LRP2: variants seen among roughly 807,000 people sequenced by gnomAD.
LRP2 encodes low-density lipoprotein receptor-related protein 2.
A neutral mutation model predicts 531.0 loss-of-function variants in LRP2; 172 were observed. The ratio of observed to expected loss-of-function variants is 0.32; its 90% CI spans 0.29 to 0.37. LRP2 has a LOEUF of 0.37. Ranked by LOEUF, LRP2 falls within the 10% of genes least tolerant of loss-of-function variation. The pLI is 1.00. For synonymous variants in LRP2, 1,992 were observed against 2,027.6 expected (o/e 0.98, Z 0.47); for missense variants, 5,167 against 5,868.3 (o/e 0.88, Z 3.90).
intron 40 of LRP2, 114 bp downstream of exon 40, chr2:169,205,909 G>A (rs1206820731): frequency 2.2e-6 from 3 of 1,365,756 alleles, no homozygotes; most frequent in Non-Finnish European, 2.1e-6. Flanking sequence ...TTTTGAATCT[G>A]TAGCCATAGT....
At chr2:169,139,706 G>T in intron 72 of LRP2, 96 bp from the exon 73 acceptor site, 1 of 1,033,282 alleles carries the variant, frequency 9.7e-7, no homozygotes, top group Non-Finnish European at 1.5e-6. Flanking sequence ...AGCTTTGACT[G>T]CATAAATTAC....
chr2:169,281,611 C>T (rs1322475521), intron 10 of LRP2, among the ~76,000 whole-genome samples: 2 of 150,310 alleles, frequency 1.3e-5, no homozygotes, highest in African/African-American at 2.5e-5. Context: ...CCCAGCTACT[C>T]GGGAGGCTGA....
At chr2:169,285,052 T>C (rs923808595) in intron 9 of LRP2, among the ~76,000 whole-genome samples, 3 of 151,770 alleles carry the variant, frequency 2.0e-5, no homozygotes, top group Non-Finnish European at 4.4e-5. Flanking sequence ...CTCACGCCTA[T>C]AATCCCAGCA....
intron 1 of LRP2, among the ~76,000 whole-genome samples, chr2:169,347,337 A>G (rs1685721138): frequency 6.6e-6 from 1 of 152,216 alleles, no homozygotes; most frequent in Non-Finnish European, 1.5e-5. Context: ...CATCCAGCAC[A>G]TAGGAAATGT....
Position 169,360,128 on chromosome 2 carries a change from C to CAAAAAA in LRP2, c.79+2187_79+2192dup, listed in dbSNP as rs67818940. Among the ~76,000 whole-genome samples the CAAAAAA allele has an allele frequency of 9.5e-3, 998 of 104,888 alleles. 7 individuals carry two copies. The highest frequency in any genetic ancestry group is 0.087 in the East Asian group (241 of 2,770). 68.8% of individuals were successfully genotyped at this position (104,888 alleles called of 152,430 possible). On this transcript the variant is annotated intron_variant, in intron 1 of 78. Transcript: ENST00000649046. ...TGACAGAGCGAGATTCTGTCTCTCTCAAAAAAAAAAAAAAAAAAAAGAGAG... is the reference window on the plus strand; with the variant it reads ...TGACAGAGCGAGATTCTGTCTCTCTCAAAAAAAAAAAAAAAAAAAAAAAAAAGAGAG...
At chr2:169,242,678 T>C (rs1689851702) in intron 24 of LRP2, among the ~76,000 whole-genome samples, 1 of 152,160 alleles carries the variant, frequency 6.6e-6, no homozygotes, top group South Asian at 2.1e-4. Flanking sequence ...TGGGAAGTCC[T>C]AAGAAAAACT....
intron 1 of LRP2, among the ~76,000 whole-genome samples, chr2:169,361,907 A>G (rs1469058173): frequency 2.0e-5 from 3 of 152,098 alleles, no homozygotes; most frequent in African/African-American, 7.2e-5. Context: ...GGGGCGCTGC[A>G]GGTGGAAAGC....
chr2:169,205,801 G>C (rs542716293), intron 40 of LRP2, among the ~76,000 whole-genome samples, 164 bp from the exon 41 acceptor site: 4 of 152,150 alleles, frequency 2.6e-5, no homozygotes, highest in Middle Eastern at 3.4e-3. Context: ...AGTAAGTCAG[G>C]GTGTTGACTT....
chr2:169,134,340 TACTC>T (rs1197867226), intron 76 of LRP2, among the ~76,000 whole-genome samples: 8 of 152,206 alleles, frequency 5.3e-5, no homozygotes, highest in Non-Finnish European at 1.2e-4. Context: ...CCTTCAGCTG[TACTC>T]ACTCTTTGTT....
At position 169,192,018 on chromosome 2, in the gene LRP2, G is replaced by A. The variant is rs200068217; in HGVS notation, c.8846C>T (p.Ser2949Leu). The A allele has an allele frequency of 3.5e-5, 56 of 1,612,256 alleles. No homozygotes were observed. Among genetic ancestry groups the A allele is most frequent in the African/African-American group, 1.1e-4 (8 of 74,984 alleles). ...ATTTACACAGAGAAACTCGGAATCC[G>A]AGCAGTTTTGATTCTCTGAAACCAA... ...KRHQCQNQNC[S>L]DSEFLCVNDR... The change falls in exon 48 of 79, where the codon TCG becomes TTG. Residue 2949 changes from serine to leucine, a missense_variant. By Grantham distance (145) the Ser-to-Leu change is moderately radical. Around this residue, in one of 6 missense-constraint regions of LRP2, gnomAD observed 1,129 missense variants for 1,362.7 expected, o/e 0.83. Coordinates refer to ENST00000649046, the MANE Select transcript of LRP2 (RefSeq NM_004525.3).
At chr2:169,193,929 G>A (rs1260297371) in intron 46 of LRP2, 37 bp from the exon 47 acceptor site, 1 of 1,613,636 alleles carries the variant, frequency 6.2e-7, no homozygotes, top group Non-Finnish European at 8.5e-7. Context: ...GAAAAAAAGT[G>A]GTTTACAGTC....
Position 169,257,229 on chromosome 2 carries a change from C to A in LRP2, c.2534G>T (p.Trp845Leu). The A allele has an allele frequency of 6.2e-7, 1 of 1,612,686 alleles. No individual in the cohort carries two copies. Among genetic ancestry groups the A allele is most frequent in the Non-Finnish European group, 8.5e-7 (1 of 1,179,040 alleles). Residue 845 changes from tryptophan (W) to leucine (L), a missense_variant, in exon 18 of 79, where the codon TGG becomes TTG. This residue lies in a region of LRP2 where 2,811 missense variants were observed against 3,058.0 expected (regional missense o/e 0.92). Transcript: ENST00000649046. ...PFAGYLFFTDWFRPAKIMRAW... is the reference protein window; with the variant it reads ...PFAGYLFFTDLFRPAKIMRAW... ...TCTCATAATTTTAGCAGGACGGAAC[C>A]AATCAGTGAAGAATAGATACCTAGA...
At chr2:169,198,525 C>T (rs1688080393) in intron 45 of LRP2, among the ~76,000 whole-genome samples, 1 of 152,192 alleles carries the variant, frequency 6.6e-6, no homozygotes, top group South Asian at 2.1e-4. Flanking sequence ...GCTTTCAACA[C>T]TGGGAGAAAT....
At chr2:169,231,569 C>T in intron 31 of LRP2, 145 bp downstream of exon 31, 2 of 968,162 alleles carry the variant, frequency 2.1e-6, no homozygotes, top group South Asian at 1.3e-5. Context: ...GACATCACCC[C>T]ATACAACACA....
At position 169,166,052 on chromosome 2, in the gene LRP2, C is replaced by T. The variant is rs893547456; in HGVS notation, c.11638G>A (p.Asp3880Asn). Residue 3880 changes from aspartate to asparagine, a missense_variant and splice_region_variant, in exon 62 of 79, where the codon GAT becomes AAT. Physicochemically the swap from Asp to Asn is conservative, Grantham distance 23 (BLOSUM62 1). Transcript: ENST00000649046. ...GSDEELHLCL[D>N]VPCNSPNRFR... ...CGGTTTGGTGAATTACAGGGAACAT[C>T]CACTGAAAGGAAAGATAGAAAAATG... The T allele has an allele frequency of 3.1e-6, 5 of 1,613,892 alleles. No homozygotes were observed. The Admixed American group carries it at 6.7e-5, about 22-fold the overall frequency.
chr2:169,339,653 AT>A (rs1685509696), intron 1 of LRP2, among the ~76,000 whole-genome samples: 1 of 152,240 alleles, frequency 6.6e-6, no homozygotes, highest in Non-Finnish European at 1.5e-5. Flanking sequence ...TAGTGACAAT[AT>A]TTATTGAATC....
intron 3 of LRP2, among the ~76,000 whole-genome samples, chr2:169,313,991 G>C (rs1331170873): frequency 6.6e-6 from 1 of 152,194 alleles, no homozygotes; most frequent in Non-Finnish European, 1.5e-5. Context: ...AGCCTACAGA[G>C]CTTCTTTTAC....
At chr2:169,213,905 T>C (rs1688685180) in intron 35 of LRP2, 35 bp from the exon 36 acceptor site, 1 of 1,485,216 alleles carries the variant, frequency 6.7e-7, no homozygotes, top group African/African-American at 1.4e-5. Context: ...TTTCATGGAT[T>C]CATAGTGAAA....
chr2:169,144,767 G>T (rs1031088186), intron 70 of LRP2, among the ~76,000 whole-genome samples: 2 of 152,118 alleles, frequency 1.3e-5, no homozygotes, highest in Admixed American at 1.3e-4. Flanking sequence ...GCTGATCAAG[G>T]TCTCAAAATA....
Sources: allele counts gnomAD v4.1 joint callset (sites outside exome capture counted in the v4.1 genomes callset), GRCh38; gene constraint gnomAD v4.1.1; regional missense constraint gnomAD v4.1.1; transcripts MANE v1.5; gene names NCBI Gene and HGNC (gene_info 2026-07-23, HGNC 2026-07-21).